Variants in MLLT3 observed in about 807,000 individuals in gnomAD.
MLLT3 encodes the protein protein AF-9.
A neutral mutation model predicts 53.2 loss-of-function variants in MLLT3; 4 were observed. The ratio of observed to expected loss-of-function variants is 0.08; its 90% CI spans 0.04 to 0.17. The LOEUF is 0.17. Ranked by LOEUF, MLLT3 falls within the 10% of genes least tolerant of loss-of-function variation. The pLI is 1.00. For missense variants in MLLT3, 569 were observed against 684.0 expected (o/e 0.83, Z 1.87); for synonymous variants, 283 against 230.6 (o/e 1.23, Z -2.06).
chr9:20,546,060 G>C (rs1818779741), intron 2 of MLLT3, among the ~76,000 whole-genome samples: 1 of 151,794 alleles, frequency 6.6e-6, no homozygotes, highest in African/African-American at 2.4e-5. Context: ...AAAGGGACAA[G>C]ATTGAGATTA....
chr9:20,509,264 T>C (rs921266127), intron 2 of MLLT3, among the ~76,000 whole-genome samples: 2 of 152,254 alleles, frequency 1.3e-5, no homozygotes, highest in Non-Finnish European at 2.9e-5. Flanking sequence ...TTTTGTTTTA[T>C]GGTGGATTCC....
chr9:20,540,483 G>A (rs947749860), intron 2 of MLLT3, among the ~76,000 whole-genome samples: 7 of 152,194 alleles, frequency 4.6e-5, no homozygotes, highest in African/African-American at 7.2e-5. Flanking sequence ...CCAACACCAC[G>A]TGGAAGTCAC....
chr9:20,605,350 A>C (rs1300910448), intron 2 of MLLT3, among the ~76,000 whole-genome samples: 3 of 152,056 alleles, frequency 2.0e-5, no homozygotes, highest in Non-Finnish European at 4.4e-5. Flanking sequence ...GAAAACAGGT[A>C]TTTCAGACAT....
intron 2 of MLLT3, among the ~76,000 whole-genome samples, chr9:20,459,450 G>GCAAGAA (rs1824054838): frequency 6.6e-6 from 1 of 152,172 alleles, no homozygotes; most frequent in Admixed American, 6.5e-5. Context: ...CCCCACCTTA[G>GCAAGAA]CAAGAAGGCT....
At chr9:20,462,214 C>A (rs1188489673) in intron 2 of MLLT3, among the ~76,000 whole-genome samples, 5 of 152,144 alleles carry the variant, frequency 3.3e-5, no homozygotes, top group Admixed American at 3.3e-4. Flanking sequence ...TAAAAGCACA[C>A]ACAAAAAGAT....
chr9:20,484,559 C>T (rs550091888), intron 2 of MLLT3, among the ~76,000 whole-genome samples: 1 of 152,230 alleles, frequency 6.6e-6, no homozygotes, highest in Non-Finnish European at 1.5e-5. Context: ...TATGGGTAAA[C>T]TTAACCCAAA....
At chr9:20,472,038 G>T (rs1349162290) in intron 2 of MLLT3, among the ~76,000 whole-genome samples, 1 of 151,880 alleles carries the variant, frequency 6.6e-6, no homozygotes, top group Non-Finnish European at 1.5e-5. Context: ...TACAAATATG[G>T]TTTACTTGAA....
chr9:20,557,110 A>G (rs1266101199), intron 2 of MLLT3, among the ~76,000 whole-genome samples: 1 of 152,086 alleles, frequency 6.6e-6, no homozygotes, highest in Non-Finnish European at 1.5e-5. Context: ...CATTTCCTCC[A>G]CAAGCTTTGC....
chr9:20,495,307 A>C (rs771740216), intron 2 of MLLT3, among the ~76,000 whole-genome samples: 12 of 152,168 alleles, frequency 7.9e-5, no homozygotes, highest in Admixed American at 2.6e-4. Context: ...ACAAAATCTC[A>C]GACTCCCCAC....
intron 2 of MLLT3, among the ~76,000 whole-genome samples, chr9:20,536,172 T>A (rs1401518131): frequency 9.5e-6 from 1 of 105,514 alleles, no homozygotes; most frequent in Admixed American, 1.0e-4. Flanking sequence ...CCAGCATCTT[T>A]AAAAACAAAA....
rs540611305 is a variant in MLLT3 at position 20,471,504 on chromosome 9, T to C, written c.194-14718A>G. 6.6e-5 allele frequency among the ~76,000 whole-genome samples: 10 copies of C among 152,172 alleles called. No homozygotes were observed. The South Asian group carries it at 1.9e-3, about 28-fold the overall frequency. ...CAGATTTAGAGCCAGCTAAACTGTG[T>C]TCTTTGCTGCTCTGACATTTCCTAG... On this transcript the variant is annotated intron_variant, in intron 2 of 10. Transcript: ENST00000380338.
chr9:20,419,130 T>C (rs1047513495), intron 4 of MLLT3, among the ~76,000 whole-genome samples: 10 of 151,928 alleles, frequency 6.6e-5, no homozygotes, highest in Non-Finnish European at 1.2e-4. Flanking sequence ...AATATTGAGG[T>C]CAAAAGCAGT....
intron 2 of MLLT3, chr9:20,533,256 C>A: frequency 3.1e-6 from 1 of 322,408 alleles, no homozygotes. Context: ...ATGAGATCTG[C>A]CGTCACTGGG....
At chr9:20,607,422 A>G (rs2131204460) in intron 2 of MLLT3, among the ~76,000 whole-genome samples, 1 of 152,210 alleles carries the variant, frequency 6.6e-6, no homozygotes, top group African/African-American at 2.4e-5. Context: ...TATCAATCAC[A>G]TTTAGAATTC....
intron 2 of MLLT3, among the ~76,000 whole-genome samples, chr9:20,556,052 G>T (rs1237559981): frequency 6.6e-6 from 1 of 151,586 alleles, no homozygotes; most frequent in Admixed American, 6.6e-5. Flanking sequence ...ACACAGAAAA[G>T]AAAAAGGGAA....
intron 4 of MLLT3, among the ~76,000 whole-genome samples, chr9:20,437,664 A>C (rs1457281777): frequency 1.3e-5 from 2 of 152,166 alleles, no homozygotes; most frequent in Non-Finnish European, 2.9e-5. Context: ...CCATATGAAG[A>C]GCCAAATCAG....
In MLLT3 at chr9:20,341,962, G is replaced by T. The variant is rs556851837; in HGVS notation, c.*4481C>A. ...ATATATATACTGGCTTTAGGACACA[G>T]AAGATGGTGTTAGACATGAGGGACT... is the stretch of plus-strand genomic sequence containing the variant. On this transcript the variant is annotated 3_prime_UTR_variant, in exon 11 of 11. Coordinates refer to ENST00000380338, the MANE Select transcript of MLLT3 (RefSeq NM_004529.4). 3.9e-5 allele frequency: 8 copies of T among 203,508 alleles called. No homozygotes were observed. Among genetic ancestry groups the T allele is most frequent in the South Asian group, 1.9e-4 (1 of 5,246 alleles). 12.6% of individuals were successfully genotyped at this position (203,508 alleles called of 1,614,324 possible).
intron 2 of MLLT3, among the ~76,000 whole-genome samples, chr9:20,578,615 G>A (rs1000570601): frequency 1.3e-5 from 2 of 152,240 alleles, no homozygotes; most frequent in Middle Eastern, 3.4e-3. Context: ...CCAGGCATAC[G>A]CAACTACTGA....
At chr9:20,566,008 A>G (rs10964612) in intron 2 of MLLT3, among the ~76,000 whole-genome samples, 1 of 127,656 alleles carries the variant, frequency 7.8e-6, no homozygotes, top group Non-Finnish European at 1.6e-5. Flanking sequence ...ATTTATATAT[A>G]TATTTTTATA....
Sources: allele counts gnomAD v4.1 joint callset (sites outside exome capture counted in the v4.1 genomes callset), GRCh38; gene constraint gnomAD v4.1.1; transcripts MANE v1.5; gene names NCBI Gene and HGNC (gene_info 2026-07-23, HGNC 2026-07-21).